Variants in GRID2 observed in about 807,000 individuals in gnomAD.
GRID2 encodes the protein glutamate receptor ionotropic, delta-2.
In GRID2, 33 loss-of-function variants were observed where a neutral mutation model predicts 114.8. The observed-to-expected ratio is 0.29, with a 90% CI of 0.22 to 0.38. The LOEUF (loss-of-function observed/expected upper bound fraction) is 0.38. GRID2 is among the 10% of genes least tolerant of loss of function. GRID2 has a pLI of 1.00. For missense variants in GRID2, 1,184 were observed against 1,257.7 expected (o/e 0.94, Z 0.89); for synonymous variants, 505 against 449.9 (o/e 1.12, Z -1.55).
chr4:92,736,582 TACCAAATACAACAACATG>T (rs1736608422), intron 2 of GRID2, among the ~76,000 whole-genome samples: 1 of 152,206 alleles, frequency 6.6e-6, no homozygotes, highest in Middle Eastern at 3.4e-3. Flanking sequence ...AATATGCCAT[TACCAAATACAACAACATG>T]CCTCATTAGC....
At chr4:93,737,252 C>T (rs1259570909) in intron 14 of GRID2, among the ~76,000 whole-genome samples, 2 of 151,900 alleles carry the variant, frequency 1.3e-5, no homozygotes, top group Non-Finnish European at 2.9e-5. Context: ...TCTCTGTCTG[C>T]AAATTTCTGC....
At position 92,938,117 on chromosome 4, in the gene GRID2, C is replaced by G. The variant is rs141621392; in HGVS notation, c.245-146878C>G. On this transcript the variant is annotated intron_variant, in intron 2 of 15. Transcript: ENST00000282020. ...CTGAGAAGAATTTCTGTTTATTTCT[C>G]TTTGTTTTATCAATATGGTATAGTA... Among the ~76,000 whole-genome samples, 118 of 146,486 alleles carry G rather than the reference C, an allele frequency of 8.1e-4. 2 individuals carry two copies. Among genetic ancestry groups the G allele is most frequent in the African/African-American group, 2.8e-3 (115 of 41,162 alleles).
intron 4 of GRID2, among the ~76,000 whole-genome samples, chr4:93,181,838 T>C (rs1343183782): frequency 6.6e-6 from 1 of 152,202 alleles, no homozygotes; most frequent in Non-Finnish European, 1.5e-5. Flanking sequence ...AGATTCCTCA[T>C]AGTAGCTGGT....
At chr4:92,541,859 C>A (rs1323425547) in intron 1 of GRID2, among the ~76,000 whole-genome samples, 1 of 151,816 alleles carries the variant, frequency 6.6e-6, no homozygotes, top group Non-Finnish European at 1.5e-5. Context: ...CTACCACCAC[C>A]ACAACAAAAT....
At chr4:92,430,191 G>A (rs889092129) in intron 1 of GRID2, among the ~76,000 whole-genome samples, 12 of 151,988 alleles carry the variant, frequency 7.9e-5, no homozygotes, top group Admixed American at 2.0e-4. Flanking sequence ...GACCAATGTC[G>A]TGGAAAGTTT....
At chr4:92,993,116 G>A (rs901398352) in intron 2 of GRID2, among the ~76,000 whole-genome samples, 1 of 151,822 alleles carries the variant, frequency 6.6e-6, no homozygotes, top group African/African-American at 2.4e-5. Context: ...ATGGCCTTGC[G>A]AGACATTTGC....
At chr4:92,978,581 G>T (rs1439999426) in intron 2 of GRID2, among the ~76,000 whole-genome samples, 2 of 151,956 alleles carry the variant, frequency 1.3e-5, no homozygotes, top group Non-Finnish European at 2.9e-5. Context: ...GTCCCCTCTG[G>T]CTTGTTTTCT....
At chr4:92,850,392 A>G (rs1743687016) in intron 2 of GRID2, among the ~76,000 whole-genome samples, 1 of 151,862 alleles carries the variant, frequency 6.6e-6, no homozygotes, top group Non-Finnish European at 1.5e-5. Context: ...CAAATGTTAC[A>G]TATTTACCTC....
At chr4:92,887,233 C>T (rs1746438796) in intron 2 of GRID2, among the ~76,000 whole-genome samples, 1 of 152,202 alleles carries the variant, frequency 6.6e-6, no homozygotes, top group Non-Finnish European at 1.5e-5. Context: ...CTGGATGGCT[C>T]AGTATCCTTA....
Position 92,952,245 on chromosome 4 carries a change from G to A in GRID2, c.245-132750G>A, listed in dbSNP as rs550672242. ...CTTTATTATTCTGATAGGTAAACAT[G>A]TTTTCTCTCTTAAATAATTTGTAGC... On this transcript the variant is annotated intron_variant, in intron 2 of 15. Coordinates refer to ENST00000282020, the MANE Select transcript of GRID2 (RefSeq NM_001510.4). 1.1e-3 allele frequency among the ~76,000 whole-genome samples: 170 copies of A among 152,134 alleles called. 1 individual carries two copies. The highest frequency in any genetic ancestry group is 3.9e-3 in the African/African-American group (163 of 41,528).
intron 1 of GRID2, among the ~76,000 whole-genome samples, chr4:92,572,296 A>G (rs1365997325): frequency 1.3e-5 from 2 of 152,214 alleles, no homozygotes; most frequent in African/African-American, 4.8e-5. Context: ...AAATGGATAA[A>G]TTCCTCGACA....
At chr4:93,099,883 T>G (rs1380647540) in intron 3 of GRID2, among the ~76,000 whole-genome samples, 1 of 151,880 alleles carries the variant, frequency 6.6e-6, no homozygotes, top group African/African-American at 2.4e-5. Flanking sequence ...TCAAGACCCT[T>G]GAAATGGACA....
At chr4:93,138,844 G>A (rs756113131) in intron 4 of GRID2, among the ~76,000 whole-genome samples, 1 of 152,170 alleles carries the variant, frequency 6.6e-6, no homozygotes, top group Non-Finnish European at 1.5e-5. Context: ...TTTCTAAAAT[G>A]CAAGTAAGAT....
chr4:93,648,799 T>C (rs1722336991), intron 14 of GRID2, among the ~76,000 whole-genome samples: 1 of 152,228 alleles, frequency 6.6e-6, no homozygotes, highest in Non-Finnish European at 1.5e-5. Context: ...ACTTCTTTGC[T>C]CTTATTCTCT....
intron 14 of GRID2, among the ~76,000 whole-genome samples, chr4:93,719,052 A>C (rs1729140027): frequency 6.6e-6 from 1 of 151,840 alleles, no homozygotes; most frequent in Admixed American, 6.6e-5. Context: ...ATATTATACG[A>C]AATATAAATG....
intron 13 of GRID2, among the ~76,000 whole-genome samples, chr4:93,592,097 A>G (rs994470466): frequency 2.0e-5 from 3 of 152,024 alleles, no homozygotes; most frequent in East Asian, 1.9e-4. Context: ...GCCTTCTGCT[A>G]CCTTTTGAAT....
rs189741259 is a variant in GRID2 at position 93,773,835 on chromosome 4, T to A, written c.*1337T>A. 4.6e-4 allele frequency: 70 copies of A among 152,256 alleles called. No individual in the cohort carries two copies. Among genetic ancestry groups the A allele is most frequent in the African/African-American group, 1.6e-3 (67 of 41,568 alleles). The allele number at this position is 152,256 out of a possible 1,614,324, so 9.4% of individuals were successfully genotyped here. A position where few individuals can be genotyped will look rare whatever the true frequency, so the allele number is the denominator to read the frequency against. On this transcript the variant is annotated 3_prime_UTR_variant, in exon 16 of 16. Coordinates refer to ENST00000282020, the MANE Select transcript of GRID2 (RefSeq NM_001510.4). The stretch of plus-strand genomic sequence containing the variant: ...TATTTAGTTCTATTTGGAGGAGTTA[T>A]GTATTTTTTACATTAGTGCCAAGTA...
At chr4:93,067,304 C>G (rs925506080) in intron 2 of GRID2, among the ~76,000 whole-genome samples, 2 of 151,920 alleles carry the variant, frequency 1.3e-5, no homozygotes, top group Non-Finnish European at 2.9e-5. Flanking sequence ...TCAGGCAGCT[C>G]TAATAAAATA....
At chr4:92,342,852 A>G (rs181880319) in intron 1 of GRID2, among the ~76,000 whole-genome samples, 21 of 152,300 alleles carry the variant, frequency 1.4e-4, no homozygotes, top group African/African-American at 4.6e-4. Context: ...TCTCTTCGTC[A>G]CAAACTATAT....
Sources: allele counts gnomAD v4.1 joint callset (sites outside exome capture counted in the v4.1 genomes callset), GRCh38; gene constraint gnomAD v4.1.1; transcripts MANE v1.5; gene names NCBI Gene and HGNC (gene_info 2026-07-23, HGNC 2026-07-21).